Variants in SRSF4 observed in about 807,000 individuals in gnomAD.
SRSF4 encodes the protein serine and arginine rich splicing factor 4, also known as serine/arginine-rich splicing factor 4.
Under a neutral mutation model 48.8 loss-of-function variants are expected in SRSF4, and 12 were observed. The ratio of observed to expected loss-of-function variants is 0.25; its 90% CI spans 0.16 to 0.40. The LOEUF (loss-of-function observed/expected upper bound fraction) is 0.40, where lower values mean the gene tolerates loss of function less well. Ranked by LOEUF, SRSF4 falls within the 10% of genes least tolerant of loss-of-function variation. SRSF4 has a pLI of 1.00. For synonymous variants in SRSF4, 248 were observed against 232.5 expected (o/e 1.07, Z -0.61); for missense variants, 466 against 667.1 (o/e 0.70, Z 3.32).
chr1:29,152,001 G>A (rs1672417898), intron 4 of SRSF4, among the ~76,000 whole-genome samples: 1 of 152,116 alleles, frequency 6.6e-6, no homozygotes, highest in African/African-American at 2.4e-5. Flanking sequence ...ACTAGGGCAG[G>A]GTGCAGTGGC....
rs561422815 is a variant in SRSF4, at chr1:29,148,224, G to A, written c.*186C>T. ...TTCAAAGAGAAAATTTTTTTCAGTCGAGCAGGAAGGCCTGGTGCCAGGAGG... is the reference window on the plus strand; with the variant it reads ...TTCAAAGAGAAAATTTTTTTCAGTCAAGCAGGAAGGCCTGGTGCCAGGAGG... On this transcript the variant is annotated 3_prime_UTR_variant, in exon 6 of 6. Coordinates refer to ENST00000373795, the MANE Select transcript of SRSF4 (RefSeq NM_005626.5). 21 of 869,236 alleles carry A rather than the reference G, an allele frequency of 2.4e-5. No homozygotes were observed. The highest frequency in any genetic ancestry group is 1.7e-4 in the African/African-American group (10 of 60,336). The allele number at this position is 869,236 out of a possible 1,614,324, so 53.8% of individuals were successfully genotyped here. A position where few individuals can be genotyped will look rare whatever the true frequency, so the allele number is the denominator to read the frequency against.
At chr1:29,165,660 T>C (rs1672659854) in intron 1 of SRSF4, among the ~76,000 whole-genome samples, 1 of 152,138 alleles carries the variant, frequency 6.6e-6, no homozygotes, top group African/African-American at 2.4e-5. Flanking sequence ...TGCAATCTAA[T>C]ACCCATGGCT....
intron 1 of SRSF4, among the ~76,000 whole-genome samples, chr1:29,165,064 T>C (rs1178245415): frequency 2.0e-5 from 3 of 152,190 alleles, no homozygotes; most frequent in African/African-American, 7.2e-5. Context: ...AAATCCAAAA[T>C]TCGTCTGATC....
chr1:29,180,921 TCTC>T (rs757466685), intron 1 of SRSF4, among the ~76,000 whole-genome samples: 16 of 152,200 alleles, frequency 1.1e-4, no homozygotes, highest in Non-Finnish European at 1.8e-4. Context: ...TGGCCACTAT[TCTC>T]CTAACAAATT....
intron 3 of SRSF4, among the ~76,000 whole-genome samples, chr1:29,157,538 T>A (rs1265275860): frequency 6.6e-6 from 1 of 152,132 alleles, no homozygotes; most frequent in Non-Finnish European, 1.5e-5. Flanking sequence ...GTGCTGACGA[T>A]AAGCATGATG....
chr1:29,167,178 CA>C (rs376417588), intron 1 of SRSF4, among the ~76,000 whole-genome samples: 177 of 152,294 alleles, frequency 1.2e-3, no homozygotes, highest in Middle Eastern at 3.4e-3. Flanking sequence ...GCTACTAAAT[CA>C]TTTTTTTGTT....
chr1:29,163,602 G>C (rs1334842404), intron 1 of SRSF4, among the ~76,000 whole-genome samples: 1 of 152,148 alleles, frequency 6.6e-6, no homozygotes, highest in Non-Finnish European at 1.5e-5. Context: ...AATTAAGACA[G>C]AAGACTAGAT....
In SRSF4 at chr1:29,174,242, G is replaced by A. The variant is rs114322964; in HGVS notation, c.107+7404C>T. Among the ~76,000 whole-genome samples the A allele has an allele frequency of 1.2e-3, 179 of 151,456 alleles. 2 individuals carry two copies. Among genetic ancestry groups the A allele is most frequent in the Middle Eastern group, 6.8e-3 (2 of 292 alleles). On this transcript the variant is annotated intron_variant, in intron 1 of 5. Transcript: ENST00000373795. ...AAAAAAATAGGAGCTCTTAAACACC[G>A]CAGGTGGAAACGTAAATATTAATTT...
intron 1 of SRSF4, 68 bp downstream of exon 1, chr1:29,181,578 C>T (rs1672958527): frequency 7.4e-7 from 1 of 1,356,434 alleles, no homozygotes; most frequent in African/African-American, 1.5e-5. Flanking sequence ...CCTCTCCCGT[C>T]CCCGCGGCCT....
At chr1:29,180,561 T>C (rs887354765) in intron 1 of SRSF4, among the ~76,000 whole-genome samples, 2 of 152,206 alleles carry the variant, frequency 1.3e-5, no homozygotes, top group Non-Finnish European at 2.9e-5. Context: ...AGTATAACCC[T>C]GGGGAGTAAA....
chr1:29,148,809 C>T lies in SRSF4; in HGVS notation c.1086G>A (p.Glu362=). 2 of 1,609,518 alleles carry T rather than the reference C, an allele frequency of 1.2e-6. No homozygotes were observed. The highest frequency in any genetic ancestry group is 2.2e-5 in the East Asian group (1 of 44,740). ...DKRKGRKRSR[E]ESRSRSRSRS... ...GGCTGCGACTGCGACTGCGGCTCTCCTCTCTGCTTCTCTTCCTGCCCTTCC... is the reference window on the plus strand; with the variant it reads ...GGCTGCGACTGCGACTGCGGCTCTCTTCTCTGCTTCTCTTCCTGCCCTTCC... Residue 362 remains glutamate, a synonymous_variant, in exon 6 of 6, where the codon GAG becomes GAA. Coordinates refer to ENST00000373795, the MANE Select transcript of SRSF4 (RefSeq NM_005626.5).
Position 29,149,200 on chromosome 1 carries a change from C to T in SRSF4, c.695G>A (p.Ser232Asn). The T allele has an allele frequency of 1.2e-6, 2 of 1,609,610 alleles. No homozygotes were observed. The highest frequency in any genetic ancestry group is 1.3e-5 in the African/African-American group (1 of 74,984). Residue 232 changes from serine to asparagine, a missense_variant, in exon 6 of 6, where the codon AGC (serine) becomes AAC (asparagine). This residue lies in a region of SRSF4 where 402 missense variants were observed against 437.0 expected (regional missense o/e 0.92). Coordinates refer to ENST00000373795, the MANE Select transcript of SRSF4 (RefSeq NM_005626.5). ...GCTCCGACTCTGGCTCCGGCTCCGG[C>T]TCTTGCTCCGGGAGCGGGAGCCCGA... ...SRSGSRSRSK[S>N]RSRSQSRSRS...
intron 1 of SRSF4, among the ~76,000 whole-genome samples, chr1:29,161,139 G>C (rs1462192970): frequency 1.3e-5 from 2 of 152,148 alleles, no homozygotes; most frequent in Non-Finnish European, 2.9e-5. Flanking sequence ...TACAACTCGT[G>C]CAAACTTCTT....
intron 1 of SRSF4, among the ~76,000 whole-genome samples, chr1:29,180,767 T>C (rs955727381): frequency 1.3e-5 from 2 of 152,234 alleles, no homozygotes; most frequent in Non-Finnish European, 2.9e-5. Context: ...CCTCAACAGT[T>C]TTCCCTAAAA....
At chr1:29,160,649 C>T (rs1240976144) in intron 1 of SRSF4, 132 bp from the exon 2 acceptor site, 1 of 1,054,022 alleles carries the variant, frequency 9.5e-7, no homozygotes, top group African/African-American at 1.7e-5. Flanking sequence ...TCAACTTTGT[C>T]TTCTCTTCAG....
At position 29,148,516 on chromosome 1, in the gene SRSF4, G is replaced by A; in HGVS notation, c.1379C>T (p.Ser460Phe). Residue 460 changes from serine (S) to phenylalanine (F), a missense_variant, in exon 6 of 6, where the codon TCC (serine) becomes TTC (phenylalanine). By Grantham distance (155) the Ser-to-Phe change is radical. Coordinates refer to ENST00000373795, the MANE Select transcript of SRSF4 (RefSeq NM_005626.5). ...GGTTTTTGAAGCTGACTTTGATCTG[G>A]AGCGTGATTCTGATGGAAGGTTTGG... is the stretch of plus-strand genomic sequence containing the variant. ...SKPNLPSESRSRSKSASKTRS... is the reference protein window; with the variant it reads ...SKPNLPSESRFRSKSASKTRS... The A allele has an allele frequency of 6.2e-7, 1 of 1,614,104 alleles. No individual in the cohort carries two copies. The highest frequency in any genetic ancestry group is 8.5e-7 in the Non-Finnish European group (1 of 1,180,026).
In SRSF4 at chr1:29,175,694, C is replaced by CAAAAAA. The variant is rs60942124; in HGVS notation, c.107+5946_107+5951dup. ...TGGGCGACAGAGCCAGACGCTGTCT[C>CAAAAAA]AAAAAAAAAAAAAAAAAAAAAAAAA... is the stretch of plus-strand genomic sequence containing the variant. On this transcript the variant is annotated intron_variant, in intron 1 of 5. Coordinates refer to ENST00000373795, the MANE Select transcript of SRSF4 (RefSeq NM_005626.5). Among the ~76,000 whole-genome samples the CAAAAAA allele has an allele frequency of 1.4e-3, 53 of 38,540 alleles. 3 individuals are homozygous for CAAAAAA. Among genetic ancestry groups the CAAAAAA allele is most frequent in the East Asian group, 9.2e-3 (14 of 1,522 alleles). 25.3% of individuals were successfully genotyped at this position (38,540 alleles called of 152,430 possible).
At chr1:29,176,428 C>A (rs530077607) in intron 1 of SRSF4, among the ~76,000 whole-genome samples, 1 of 149,802 alleles carries the variant, frequency 6.7e-6, no homozygotes, top group South Asian at 2.1e-4. Flanking sequence ...ATTAAGAATA[C>A]GGTAACGATG....
rs1672353556 is a variant in SRSF4, at chr1:29,148,868, GGCTCCT to G, written c.1021_1026del (p.Arg347_Ser348del). The G allele has an allele frequency of 6.2e-7, 1 of 1,601,064 alleles. No homozygotes were observed. The highest frequency in any genetic ancestry group is 1.7e-5 in the Admixed American group (1 of 58,942). On this transcript the variant is annotated inframe_deletion, in exon 6 of 6. Transcript: ENST00000373795. The stretch of plus-strand genomic sequence containing the variant: ...TTGCTCTTGCTGCGGCTCCTGCTCC[GGCTCCT>G]GCTGCCCCCTTTGCTCCTGCTCCGG...
Sources: allele counts gnomAD v4.1 joint callset (sites outside exome capture counted in the v4.1 genomes callset), GRCh38; gene constraint gnomAD v4.1.1; regional missense constraint gnomAD v4.1.1; transcripts MANE v1.5; gene names NCBI Gene and HGNC (gene_info 2026-07-23, HGNC 2026-07-21).